The following PLEKHA6 variants were observed in gnomAD, a reference collection of about 807,000 sequenced individuals.
PLEKHA6 encodes the protein pleckstrin homology domain containing A6, also known as pleckstrin homology domain-containing family A member 6.
Under a neutral mutation model 116.7 loss-of-function variants are expected in PLEKHA6, and 60 were observed. The ratio of observed to expected loss-of-function variants is 0.51; its 90% CI spans 0.42 to 0.64. PLEKHA6 has a LOEUF of 0.64. Among genes scored for constraint, PLEKHA6 ranks in the 30% least tolerant of loss-of-function variants. The pLI, the probability that PLEKHA6 is intolerant of heterozygous loss-of-function variation, is 0.00. For missense variants in PLEKHA6, 1,338 were observed against 1,422.7 expected (o/e 0.94, Z 0.96); for synonymous variants, 489 against 556.1 (o/e 0.88, Z 1.70).
At chr1:204,342,934 C>T (rs1013048639) in intron 1 of PLEKHA6, among the ~76,000 whole-genome samples, 10 of 152,138 alleles carry the variant, frequency 6.6e-5, no homozygotes, top group Non-Finnish European at 1.5e-4. Flanking sequence ...CCAAATAGAA[C>T]GCCAGATCGC....
intron 1 of PLEKHA6, chr1:204,301,591 G>T: frequency 2.6e-6 from 1 of 379,258 alleles, no homozygotes; most frequent in Non-Finnish European, 3.6e-6. Flanking sequence ...GCCATTCCCA[G>T]GGGATAAATG....
rs776118295 is a variant in PLEKHA6, at chr1:204,259,788, G to A, written c.525-48C>T. The A allele has an allele frequency of 1.5e-5, 24 of 1,549,958 alleles. No individual in the cohort carries two copies. Among genetic ancestry groups the A allele is most frequent in the Non-Finnish European group, 2.0e-5 (23 of 1,148,760 alleles). ...CTGTCAGTGACTCTAGCCCAGCATG[G>A]AGTGGGGCAGGGGGTGCCAGACTGG... On this transcript the variant is annotated intron_variant, in intron 7 of 22. Transcript: ENST00000272203. The surrounding 1 kb of genome is among the most constrained non-coding windows in gnomAD (Gnocchi z 4.6).
intron 1 of PLEKHA6, among the ~76,000 whole-genome samples, chr1:204,283,677 GTTC>G (rs1668872673): frequency 3.9e-5 from 6 of 152,326 alleles, no homozygotes; most frequent in Admixed American, 3.9e-4. Flanking sequence ...GAGCTTCATG[GTTC>G]AGGGGGAGAT....
chr1:204,296,926 C>T (rs1165494409), intron 1 of PLEKHA6, among the ~76,000 whole-genome samples: 1 of 152,126 alleles, frequency 6.6e-6, no homozygotes, highest in Non-Finnish European at 1.5e-5. Flanking sequence ...TGAAGGGGAG[C>T]AGAAAGAAAA....
At chr1:204,345,477 C>T (rs1673006635) in intron 1 of PLEKHA6, among the ~76,000 whole-genome samples, 1 of 152,176 alleles carries the variant, frequency 6.6e-6, no homozygotes, top group African/African-American at 2.4e-5. Flanking sequence ...CCTCTCCACA[C>T]TCCCCATCTC....
At chr1:204,309,200 T>C (rs1671558817) in intron 1 of PLEKHA6, 1 of 233,560 alleles carries the variant, frequency 4.3e-6, no homozygotes, top group African/African-American at 2.3e-5. Context: ...TCCCTGCAGG[T>C]CTCCCCCGCA....
chr1:204,297,318 G>T (rs568014309), intron 1 of PLEKHA6: 2 of 528,974 alleles, frequency 3.8e-6, no homozygotes, highest in Non-Finnish European at 2.4e-6. Flanking sequence ...ACTAATCCTC[G>T]TCCCCCTTTA....
In PLEKHA6 at chr1:204,264,953, G is replaced by C. The variant is rs144219928; in HGVS notation, c.370C>G (p.His124Asp). 2.5e-6 allele frequency: 4 copies of C among 1,613,456 alleles called. No homozygotes were observed. The highest frequency in any genetic ancestry group is 3.4e-6 in the Non-Finnish European group (4 of 1,179,348). ...VQPSDNISRKHTFKAEHAGVR... is the reference protein window; with the variant it reads ...VQPSDNISRKDTFKAEHAGVR... Reference sequence around the variant, plus strand: ...GAAGGCCAACTGACCTTAAACGTGTGTTTCCGGCTGATGTTGTCTGAGGGC... The same window carrying C: ...GAAGGCCAACTGACCTTAAACGTGTCTTTCCGGCTGATGTTGTCTGAGGGC... The change falls in exon 6 of 23, where the codon CAC becomes GAC. Residue 124 changes from histidine (H) to aspartate (D), a missense_variant. Physicochemically the swap from His to Asp is moderately conservative, Grantham distance 81. Coordinates refer to ENST00000272203, the MANE Select transcript of PLEKHA6 (RefSeq NM_014935.5).
chr1:204,248,421 T>TGGGATTATA (rs1021486988), intron 12 of PLEKHA6, among the ~76,000 whole-genome samples: 67 of 152,178 alleles, frequency 4.4e-4, no homozygotes, highest in Non-Finnish European at 1.5e-4. Flanking sequence ...CCCAAAGTGC[T>TGGGATTATA]GGGATTATAG....
At chr1:204,356,136 G>A (rs913129658) in intron 1 of PLEKHA6, among the ~76,000 whole-genome samples, 3 of 152,214 alleles carry the variant, frequency 2.0e-5, no homozygotes, top group African/African-American at 7.2e-5. Context: ...GTATTGATAT[G>A]TGTGAAGATT....
At chr1:204,235,130 G>A (rs1375799778) in intron 17 of PLEKHA6, among the ~76,000 whole-genome samples, 4 of 150,860 alleles carry the variant, frequency 2.7e-5, no homozygotes, top group East Asian at 2.0e-4. Context: ...TGGTATTAAG[G>A]ATGGAGTTCT....
chr1:204,349,770 A>C (rs569660122), intron 1 of PLEKHA6, among the ~76,000 whole-genome samples: 24 of 152,310 alleles, frequency 1.6e-4, no homozygotes, highest in South Asian at 8.3e-4. Context: ...TGGCACCTGG[A>C]AGGTGAGAGC....
intron 1 of PLEKHA6, among the ~76,000 whole-genome samples, chr1:204,336,465 G>T (rs1672651867): frequency 6.6e-6 from 1 of 152,224 alleles, no homozygotes; most frequent in African/African-American, 2.4e-5. Flanking sequence ...GATTTGCTGT[G>T]AGTGATACAA....
rs73073726 is a variant in PLEKHA6, at chr1:204,227,626, C to T, written c.3031+457G>A. 7.0e-3 allele frequency among the ~76,000 whole-genome samples: 1,070 copies of T among 152,292 alleles called. 4 individuals carry two copies. The highest frequency in any genetic ancestry group is 0.02 in the Middle Eastern group (6 of 294). On this transcript the variant is annotated intron_variant, in intron 21 of 22. Transcript: ENST00000272203. ...CATCGCTCTCAACTCTTTGGTTGCC[C>T]TCACTATCTTTTCTTGGCTTCTTCC...
chr1:204,295,140 T>C (rs1303550750), intron 1 of PLEKHA6, among the ~76,000 whole-genome samples: 2 of 152,190 alleles, frequency 1.3e-5, no homozygotes, highest in African/African-American at 4.8e-5. Context: ...GTGTCATGGT[T>C]GAAAGCAGTC....
intron 1 of PLEKHA6, among the ~76,000 whole-genome samples, chr1:204,318,484 C>T (rs2103211212): frequency 6.6e-6 from 1 of 152,334 alleles, no homozygotes; most frequent in South Asian, 2.1e-4. Flanking sequence ...TTTCACTTTG[C>T]AGCCAACTTC....
Position 204,256,447 on chromosome 1 carries a change from G to A in PLEKHA6, c.1524+906C>T, listed in dbSNP as rs1272174097. Among the ~76,000 whole-genome samples, 2 of 152,170 alleles carry A rather than the reference G, an allele frequency of 1.3e-5. 1 individual carries two copies. Among genetic ancestry groups the A allele is most frequent in the Admixed American group, 1.3e-4 (2 of 15,280 alleles). On this transcript the variant is annotated intron_variant, in intron 9 of 22. Coordinates refer to ENST00000272203, the MANE Select transcript of PLEKHA6 (RefSeq NM_014935.5). ...ACAAACATGAAATAACTATGCTTCAGGGGAAAAAAGTTTAGAAGATCTTGC... is the reference window on the plus strand; with the variant it reads ...ACAAACATGAAATAACTATGCTTCAAGGGAAAAAAGTTTAGAAGATCTTGC...
intron 1 of PLEKHA6, among the ~76,000 whole-genome samples, chr1:204,335,230 C>CA (rs1672600285): frequency 6.6e-6 from 1 of 152,084 alleles, no homozygotes; most frequent in South Asian, 2.1e-4. Context: ...CACTTCCCCC[C>CA]ACACACATAC....
intron 1 of PLEKHA6, among the ~76,000 whole-genome samples, chr1:204,334,311 C>G (rs1290465105): frequency 6.6e-6 from 1 of 152,132 alleles, no homozygotes; most frequent in African/African-American, 2.4e-5. Flanking sequence ...CTCAGTCAAA[C>G]CTCAAATCTT....
Sources: gnomAD v4.1 joint callset for allele counts (sites outside exome capture counted in the v4.1 genomes callset) on GRCh38, gnomAD v4.1.1 for gene constraint, Gnocchi (gnomAD v3.1) non-coding constraint, MANE v1.5 for transcripts, NCBI Gene and HGNC (gene_info 2026-07-23, HGNC 2026-07-21) for gene names.